Variants in SDK1 observed in about 807,000 individuals in gnomAD.
SDK1 encodes protein sidekick-1.
Under a neutral mutation model 245.5 loss-of-function variants are expected in SDK1, and 157 were observed. The observed-to-expected ratio is 0.64, with a 90% CI of 0.56 to 0.73. SDK1 has a LOEUF of 0.73. Ranked by LOEUF, SDK1 falls within the 30% of genes least tolerant of loss-of-function variation. The pLI, the probability that SDK1 is intolerant of heterozygous loss-of-function variation, is 0.00. For synonymous variants in SDK1, 1,647 were observed against 1,278.5 expected, an observed-to-expected ratio of 1.29 and a Z score of -6.15; for missense variants, 3,583 against 3,002.3, an observed-to-expected ratio of 1.19 and a Z score of -4.52.
intron 1 of SDK1, among the ~76,000 whole-genome samples, chr7:3,397,368 A>G (rs560837943): frequency 9.2e-5 from 14 of 152,038 alleles, no homozygotes; most frequent in African/African-American, 2.4e-4. Context: ...TTGTAGAGCA[A>G]TTCTGCTGGT....
At chr7:3,887,296 C>T (rs1781359879) in intron 5 of SDK1, among the ~76,000 whole-genome samples, 1 of 152,150 alleles carries the variant, frequency 6.6e-6, no homozygotes, top group Admixed American at 6.5e-5. Flanking sequence ...ATGATAATGA[C>T]ATTTCTATTT....
intron 5 of SDK1, among the ~76,000 whole-genome samples, chr7:3,856,589 A>C (rs965356935): frequency 6.6e-6 from 1 of 151,916 alleles, no homozygotes; most frequent in Non-Finnish European, 1.5e-5. Context: ...TCAGGAGTTC[A>C]AGACCAGCCT....
intron 5 of SDK1, among the ~76,000 whole-genome samples, chr7:3,877,135 C>G (rs548278069): frequency 2.0e-5 from 3 of 152,278 alleles, no homozygotes; most frequent in African/African-American, 7.2e-5. Flanking sequence ...TAGGAACAGA[C>G]CCCAATCCAT....
In SDK1 at chr7:4,267,301, C is replaced by G. The variant is rs1381330600; in HGVS notation, c.*1917C>G. The G allele has an allele frequency of 7.7e-6, 5 of 653,360 alleles. No homozygotes were observed. Among genetic ancestry groups the G allele is most frequent in the Non-Finnish European group, 9.4e-6 (5 of 529,878 alleles). 40.5% of individuals were successfully genotyped at this position (653,360 alleles called of 1,614,324 possible). On this transcript the variant is annotated 3_prime_UTR_variant, in exon 45 of 45. Transcript: ENST00000404826. Reference sequence around the variant, plus strand: ...TCCTCTCTTTCCTCCTTCCTTCCCTCCCTTCTTTCCCTCCCTCCCTTCCTC... The same window carrying G: ...TCCTCTCTTTCCTCCTTCCTTCCCTGCCTTCTTTCCCTCCCTCCCTTCCTC...
chr7:4,091,844 CT>C (rs1413543375), intron 22 of SDK1, among the ~76,000 whole-genome samples: 4 of 152,278 alleles, frequency 2.6e-5, no homozygotes, highest in African/African-American at 9.6e-5. Context: ...CTGCAGCCCC[CT>C]CTTCTCATTC....
At chr7:3,614,904 C>T (rs1019496469) in intron 1 of SDK1, among the ~76,000 whole-genome samples, 2 of 143,980 alleles carry the variant, frequency 1.4e-5, no homozygotes, top group African/African-American at 4.9e-5. Context: ...TGAAACCATT[C>T]TTTAAAATGA....
intron 4 of SDK1, among the ~76,000 whole-genome samples, chr7:3,733,944 G>A (rs116136978): frequency 2.6e-5 from 4 of 152,224 alleles, no homozygotes; most frequent in South Asian, 4.2e-4. Context: ...GACTGAGCCC[G>A]GAGAGCTTTT....
At chr7:3,612,259 T>C (rs1376778813) in intron 1 of SDK1, among the ~76,000 whole-genome samples, 1 of 152,228 alleles carries the variant, frequency 6.6e-6, no homozygotes, top group Non-Finnish European at 1.5e-5. Flanking sequence ...TTAAAAATCC[T>C]ATCATAGGAT....
intron 2 of SDK1, among the ~76,000 whole-genome samples, chr7:3,635,949 T>C (rs1179024312): frequency 6.6e-6 from 1 of 152,226 alleles, no homozygotes. Flanking sequence ...GGTAGACACC[T>C]TCCCATATGT....
rs186675530 is a variant in SDK1 at position 3,350,765 on chromosome 7, G to C, written c.298+48881G>C. Among the ~76,000 whole-genome samples the C allele has an allele frequency of 2.8e-3, 430 of 152,198 alleles. 5 individuals are homozygous for C. The highest frequency in any genetic ancestry group is 2.3e-3 in the Non-Finnish European group (159 of 68,000). On this transcript the variant is annotated intron_variant, in intron 1 of 44. Transcript: ENST00000404826. ...TGTTAAGATGCTAGGCTTTGTACTGGCTTGTTTACTTCTCACGATTTATCT... is the reference window on the plus strand; with the variant it reads ...TGTTAAGATGCTAGGCTTTGTACTGCCTTGTTTACTTCTCACGATTTATCT...
At chr7:3,342,543 G>A (rs555584661) in intron 1 of SDK1, among the ~76,000 whole-genome samples, 9 of 151,982 alleles carry the variant, frequency 5.9e-5, no homozygotes, top group Admixed American at 3.3e-4. Flanking sequence ...AGCCGAGATC[G>A]CATCGTTGCA....
intron 1 of SDK1, among the ~76,000 whole-genome samples, chr7:3,436,953 A>G (rs1583855803): frequency 6.6e-6 from 1 of 152,364 alleles, no homozygotes; most frequent in Middle Eastern, 3.4e-3. Context: ...AATGTAGAAC[A>G]TAGAATGTCT....
intron 1 of SDK1, among the ~76,000 whole-genome samples, chr7:3,335,628 T>G (rs1342203562): frequency 1.3e-5 from 2 of 152,150 alleles, no homozygotes; most frequent in Non-Finnish European, 2.9e-5. Context: ...GAAAGTAGTC[T>G]GTAAGAAATA....
At chr7:3,451,080 G>A (rs898417335) in intron 1 of SDK1, among the ~76,000 whole-genome samples, 1 of 152,162 alleles carries the variant, frequency 6.6e-6, no homozygotes, top group Non-Finnish European at 1.5e-5. Flanking sequence ...GGCAAAGTGA[G>A]AGGAGTTTAT....
chr7:3,902,026 G>C (rs562694700), intron 5 of SDK1, among the ~76,000 whole-genome samples: 1 of 152,076 alleles, frequency 6.6e-6, no homozygotes, highest in East Asian at 1.9e-4. Context: ...GCTGCTCCAG[G>C]CTCACCTGTA....
chr7:3,823,220 A>G (rs1165802189), intron 5 of SDK1, among the ~76,000 whole-genome samples: 1 of 152,214 alleles, frequency 6.6e-6, no homozygotes, highest in East Asian at 1.9e-4. Context: ...ATGATAAAGA[A>G]TGGAAATTGT....
chr7:3,790,262 A>G (rs1315000697), intron 4 of SDK1, among the ~76,000 whole-genome samples: 1 of 152,174 alleles, frequency 6.6e-6, no homozygotes. Flanking sequence ...GGACTTTCAG[A>G]TATTTATATC....
intron 2 of SDK1, among the ~76,000 whole-genome samples, chr7:3,620,321 A>T (rs930101169): frequency 6.6e-6 from 1 of 151,230 alleles, no homozygotes; most frequent in Non-Finnish European, 1.5e-5. Context: ...TTTTAATTTG[A>T]GACGGAGTTT....
At chr7:3,558,522 C>A (rs1779657041) in intron 1 of SDK1, among the ~76,000 whole-genome samples, 1 of 152,176 alleles carries the variant, frequency 6.6e-6, no homozygotes, top group African/African-American at 2.4e-5. Flanking sequence ...TTTCCAGTCA[C>A]TGGGCAAGAG....
Sources: allele counts gnomAD v4.1 joint callset (sites outside exome capture counted in the v4.1 genomes callset), GRCh38; gene constraint gnomAD v4.1.1; transcripts MANE v1.5; gene names NCBI Gene and HGNC (gene_info 2026-07-23, HGNC 2026-07-21).